Variants in SND1 observed in about 807,000 individuals in gnomAD.
SND1 encodes the protein staphylococcal nuclease domain-containing protein 1.
A neutral mutation model predicts 121.7 loss-of-function variants in SND1; 38 were observed. The observed-to-expected ratio is 0.31, with a 90% CI of 0.24 to 0.41. SND1 has a LOEUF of 0.41. SND1 is among the 10% of genes least tolerant of loss of function. The pLI, the probability that SND1 is intolerant of heterozygous loss-of-function variation, is 1.00. For missense variants in SND1, 868 were observed against 1,184.6 expected (o/e 0.73, Z 3.92); for synonymous variants, 401 against 447.4 (o/e 0.90, Z 1.31).
intron 15 of SND1, among the ~76,000 whole-genome samples, chr7:127,945,937 A>G (rs555458660): frequency 6.6e-6 from 1 of 152,334 alleles, no homozygotes; most frequent in South Asian, 2.1e-4. Flanking sequence ...TGATCTCCTC[A>G]TTTAGAACGC....
At chr7:127,944,055 G>A (rs1024160563) in intron 15 of SND1, among the ~76,000 whole-genome samples, 3 of 152,172 alleles carry the variant, frequency 2.0e-5, no homozygotes, top group East Asian at 1.9e-4. Context: ...GGCTCCTGAC[G>A]GAAACCTTGA....
At chr7:127,891,331 A>T (rs1455694434) in intron 13 of SND1, among the ~76,000 whole-genome samples, 1 of 152,002 alleles carries the variant, frequency 6.6e-6, no homozygotes, top group African/African-American at 2.4e-5. Context: ...CTTTCTTGAA[A>T]ATGGTAAAGT....
At chr7:127,680,460 C>G (rs1166188070) in intron 1 of SND1, among the ~76,000 whole-genome samples, 3 of 152,102 alleles carry the variant, frequency 2.0e-5, no homozygotes, top group African/African-American at 7.2e-5. Flanking sequence ...CGGCCATACC[C>G]AAGGGGGCCA....
chr7:127,808,489 G>T (rs990685760), intron 11 of SND1, among the ~76,000 whole-genome samples: 4 of 152,156 alleles, frequency 2.6e-5, no homozygotes, highest in Non-Finnish European at 5.9e-5. Flanking sequence ...ATAAGCCTCT[G>T]ACTTTTGAAC....
chr7:127,982,921 C>T (rs1002517111), intron 15 of SND1, among the ~76,000 whole-genome samples: 3 of 152,198 alleles, frequency 2.0e-5, no homozygotes, highest in African/African-American at 4.8e-5. Context: ...TAAGTGATAA[C>T]TACATTCCTT....
intron 14 of SND1, among the ~76,000 whole-genome samples, chr7:127,920,747 A>C (rs1254782419): frequency 6.6e-6 from 1 of 151,812 alleles, no homozygotes. Context: ...GAAGAAAGCA[A>C]GCTTATGTGC....
chr7:128,031,189 C>CT (rs1240740689), intron 16 of SND1: 1 of 152,334 alleles, frequency 6.6e-6, no homozygotes, highest in Non-Finnish European at 1.5e-5. Context: ...GCATGCCCCC[C>CT]CCTCCGCCCA....
chr7:127,913,170 TC>T (rs1800494639), intron 14 of SND1, among the ~76,000 whole-genome samples: 1 of 152,218 alleles, frequency 6.6e-6, no homozygotes, highest in Admixed American at 6.5e-5. Flanking sequence ...AGACAGGGCT[TC>T]TTTATTTGTT....
At chr7:127,997,428 T>C in intron 16 of SND1, 2 of 314,018 alleles carry the variant, frequency 6.4e-6, no homozygotes, top group Non-Finnish European at 6.2e-6. Context: ...AAGAATTTGC[T>C]ATGCCCATGC....
chr7:127,676,488 G>A (rs1004578244), intron 1 of SND1, among the ~76,000 whole-genome samples: 1 of 152,210 alleles, frequency 6.6e-6, no homozygotes, highest in Non-Finnish European at 1.5e-5. Context: ...GCTCATGGTT[G>A]TTCCGTTAGC....
At chr7:128,038,524 G>T (rs575047572) in intron 16 of SND1, among the ~76,000 whole-genome samples, 2 of 152,186 alleles carry the variant, frequency 1.3e-5, no homozygotes, top group Non-Finnish European at 2.9e-5. Flanking sequence ...TTTCTAATAC[G>T]GAAACCGGTA....
chr7:127,995,088 A>G (rs1282128242), intron 16 of SND1, among the ~76,000 whole-genome samples: 2 of 152,218 alleles, frequency 1.3e-5, no homozygotes, highest in Non-Finnish European at 2.9e-5. Context: ...CGAGTTGTGT[A>G]GTTACGACAG....
intron 12 of SND1, chr7:127,858,354 G>T: frequency 7.4e-7 from 1 of 1,354,664 alleles, no homozygotes; most frequent in Non-Finnish European, 1.0e-6. Context: ...AGATGCCTCA[G>T]TGCCCTAGCC....
At chr7:127,716,765 A>C (rs956920891) in intron 9 of SND1, among the ~76,000 whole-genome samples, 1 of 152,230 alleles carries the variant, frequency 6.6e-6, no homozygotes, top group African/African-American at 2.4e-5. Flanking sequence ...GTTTTTAAGC[A>C]AGGATGCAGC....
chr7:128,091,972 A>AT (rs781228114), intron 23 of SND1, 21 bp from the exon 24 acceptor site: 32 of 1,613,746 alleles, frequency 2.0e-5, no homozygotes, highest in Non-Finnish European at 6.8e-6. Context: ...CTGAAGAGCT[A>AT]TTGTCTGTTT....
chr7:127,830,872 C>T (rs759211047), intron 11 of SND1, among the ~76,000 whole-genome samples: 2 of 152,126 alleles, frequency 1.3e-5, no homozygotes, highest in Non-Finnish European at 2.9e-5. Flanking sequence ...TTTTGAGACT[C>T]TCTGGGATAT....
chr7:128,039,449 T>TA (rs1487653445), intron 16 of SND1, among the ~76,000 whole-genome samples: 1 of 152,274 alleles, frequency 6.6e-6, no homozygotes, highest in Admixed American at 6.5e-5. Flanking sequence ...CTGCTCTACT[T>TA]ACATTCTTTG....
At chr7:127,838,086 G>A (rs528813205) in intron 11 of SND1, among the ~76,000 whole-genome samples, 370 of 152,218 alleles carry the variant, frequency 2.4e-3, no homozygotes, top group Non-Finnish European at 3.2e-3. Context: ...CCTGAGTGGC[G>A]GAATGAGTAG....
chr7:127,670,312 A>G (rs969059636), intron 1 of SND1, among the ~76,000 whole-genome samples: 2 of 150,442 alleles, frequency 1.3e-5, no homozygotes, highest in African/African-American at 2.5e-5. Context: ...TTTTTTTAAG[A>G]TGCCTGTGTT....
Sources: gnomAD v4.1 joint callset for allele counts (sites outside exome capture counted in the v4.1 genomes callset) on GRCh38, gnomAD v4.1.1 for gene constraint, MANE v1.5 for transcripts, NCBI Gene and HGNC (gene_info 2026-07-23, HGNC 2026-07-21) for gene names.